RNFT2: variants seen among roughly 807,000 people sequenced by gnomAD.
RNFT2 encodes the protein E3 ubiquitin-protein ligase RNFT2.
In RNFT2, 36 loss-of-function variants were observed where a neutral mutation model predicts 53.0. The ratio of observed to expected loss-of-function variants is 0.68; its 90% confidence interval spans 0.52 to 0.90. The LOEUF (loss-of-function observed/expected upper bound fraction) is 0.90, where lower values mean the gene tolerates loss of function less well. Among genes scored for constraint, RNFT2 ranks in the 40% least tolerant of loss-of-function variants. RNFT2 has a pLI of 0.00. For missense variants in RNFT2, 514 were observed against 585.6 expected (o/e 0.88, Z 1.26); for synonymous variants, 260 against 253.2 (o/e 1.03, Z -0.26).
intron 7 of RNFT2, among the ~76,000 whole-genome samples, chr12:116,828,144 T>G (rs1876441254): frequency 6.6e-6 from 1 of 152,172 alleles, no homozygotes; most frequent in African/African-American, 2.4e-5. Context: ...GTGACCATCT[T>G]TTCCTTCACC....
intron 7 of RNFT2, among the ~76,000 whole-genome samples, chr12:116,786,538 C>T (rs1218969622): frequency 6.8e-6 from 1 of 146,626 alleles, no homozygotes; most frequent in Non-Finnish European, 1.5e-5. Flanking sequence ...ATAAGGAAGG[C>T]ATTTGAGGTT....
chr12:116,844,687 C>T (rs1368472768), intron 10 of RNFT2, among the ~76,000 whole-genome samples: 1 of 152,148 alleles, frequency 6.6e-6, no homozygotes, highest in Admixed American at 6.5e-5. Flanking sequence ...ACCAGAATAT[C>T]TGAGAACTAT....
chr12:116,851,885 C>A lies in RNFT2; in HGVS notation c.*2437C>A. 1 of 1,536,144 alleles carries A rather than the reference C, an allele frequency of 6.5e-7. No individual in the cohort carries two copies. The highest frequency in any genetic ancestry group is 8.7e-7 in the Non-Finnish European group (1 of 1,146,580). On this transcript the variant is annotated 3_prime_UTR_variant, in exon 11 of 11. Transcript: ENST00000257575. ...TCTCCTCTTCCTATTCTGTCATCTC[C>A]CTCACTTAAGTCTCAGGCCTGTCAG... is the stretch of plus-strand genomic sequence containing the variant.
At chr12:116,848,334 C>T (rs1419423398) in intron 10 of RNFT2, among the ~76,000 whole-genome samples, 1 of 152,102 alleles carries the variant, frequency 6.6e-6, no homozygotes, top group Non-Finnish European at 1.5e-5. Flanking sequence ...TTTATCGTAG[C>T]ACTAGTTACC....
intron 7 of RNFT2, among the ~76,000 whole-genome samples, chr12:116,781,694 G>A (rs780029134): frequency 2.0e-5 from 3 of 151,962 alleles, no homozygotes; most frequent in African/African-American, 4.8e-5. Context: ...GGCCCCACCC[G>A]AATAATCTAG....
chr12:116,806,240 C>T (rs1271059583), intron 7 of RNFT2, among the ~76,000 whole-genome samples: 2 of 151,692 alleles, frequency 1.3e-5, no homozygotes, highest in Non-Finnish European at 2.9e-5. Context: ...CATGGTGGTG[C>T]ATGCCTGTAA....
Position 116,849,319 on chromosome 12 carries a change from G to A in RNFT2, c.1206G>A (p.Val402=), listed in dbSNP as rs1347357812. The change falls in exon 11 of 11, where the codon GTG becomes GTA. Residue 402 remains valine, a synonymous_variant. Coordinates refer to ENST00000257575, the MANE Select transcript of RNFT2 (RefSeq NM_001382266.1). ...GCTGATTGCTGTCCCCGCAGCACGT[G>A]TTCTGTGAGGAGTGCCTCTGCCTGT... ...REPLILLCQH[V]FCEECLCLWL... is the part of the protein sequence containing the mutation. The A allele has an allele frequency of 1.3e-6, 2 of 1,539,434 alleles. No homozygotes were observed. Among genetic ancestry groups the A allele is most frequent in the Middle Eastern group, 1.7e-4 (1 of 5,984 alleles).
chr12:116,831,229 A>G (rs981097046), intron 7 of RNFT2, among the ~76,000 whole-genome samples: 8 of 151,624 alleles, frequency 5.3e-5, no homozygotes, highest in Non-Finnish European at 1.0e-4. Flanking sequence ...GAGAGATAAT[A>G]TCCTTCAACT....
Position 116,847,865 on chromosome 12 carries a change from C to G in RNFT2, c.1201-1449C>G, listed in dbSNP as rs527301517. ...AAAAAATTTAATTTAATTTTAAGTT[C>G]CAGGATGCATGTGCAGGATATACAG... On this transcript the variant is annotated intron_variant, in intron 10 of 10. Coordinates refer to ENST00000257575, the MANE Select transcript of RNFT2 (RefSeq NM_001382266.1). Among the ~76,000 whole-genome samples, 3 of 152,218 alleles carry G rather than the reference C, an allele frequency of 2.0e-5. No homozygotes were observed. In the South Asian group the frequency reaches 6.2e-4, roughly 32 times the overall value.
rs771366276 is a variant in RNFT2, at chr12:116,750,123, C to CG, written c.371dup (p.Ser125LeufsTer58). ...ACCATTTCCACCATGGCGGCCACCG[C>CG]GGGGGCTCCCTGCTGCAGCACGTGG... On this transcript the variant is annotated frameshift_variant, in exon 4 of 11. Transcript: ENST00000257575. LOFTEE classifies it high-confidence loss of function. 6.4e-7 allele frequency: 1 copy of CG among 1,571,754 alleles called. No individual in the cohort carries two copies. The highest frequency in any genetic ancestry group is 2.3e-5 in the East Asian group (1 of 43,340).
chr12:116,788,018 C>T (rs1267117689), intron 7 of RNFT2, among the ~76,000 whole-genome samples: 2 of 152,190 alleles, frequency 1.3e-5, no homozygotes, highest in African/African-American at 2.4e-5. Context: ...ACCTCTGCCT[C>T]CCGGGTTCAA....
At chr12:116,798,659 C>G (rs1016936013) in intron 7 of RNFT2, among the ~76,000 whole-genome samples, 32 of 152,170 alleles carry the variant, frequency 2.1e-4, no homozygotes, top group Admixed American at 7.9e-4. Context: ...ACCTCAGCCT[C>G]CCAGGCTGAA....
chr12:116,811,393 T>G (rs1875366283), intron 7 of RNFT2, among the ~76,000 whole-genome samples: 1 of 151,884 alleles, frequency 6.6e-6, no homozygotes, highest in African/African-American at 2.4e-5. Context: ...TTCCTTTTTT[T>G]GAGACAGAGT....
intron 7 of RNFT2, among the ~76,000 whole-genome samples, chr12:116,832,148 A>AATATATATATATATATATATATATAT (rs1555209703): frequency 3.6e-5 from 2 of 55,174 alleles, no homozygotes; most frequent in Non-Finnish European, 3.3e-5. Context: ...AAAAAAAAAA[A>AATATATATATATATATATATATATAT]ATATATATAT....
intron 4 of RNFT2, among the ~76,000 whole-genome samples, chr12:116,751,386 G>C (rs946816882): frequency 6.6e-6 from 1 of 151,814 alleles, no homozygotes; most frequent in African/African-American, 2.4e-5. Flanking sequence ...GTCAATAATT[G>C]GCCTCTAGTA....
rs117918140 is a variant in RNFT2, at chr12:116,827,335, G to A, written c.883-6457G>A. On this transcript the variant is annotated intron_variant, in intron 7 of 10. Transcript: ENST00000257575. Reference sequence around the variant, plus strand: ...AAGTCAGGGAAGGCTTTTCATAGGCGGTGACAGTTAGCTGAGACCCAAAAG... The same window carrying A: ...AAGTCAGGGAAGGCTTTTCATAGGCAGTGACAGTTAGCTGAGACCCAAAAG... Among the ~76,000 whole-genome samples, 1,470 of 152,250 alleles carry A rather than the reference G, an allele frequency of 9.7e-3. 11 individuals are homozygous for A. The highest frequency in any genetic ancestry group is 0.015 in the Non-Finnish European group (995 of 68,020).
intron 7 of RNFT2, among the ~76,000 whole-genome samples, chr12:116,788,190 G>A (rs1216082629): frequency 6.6e-6 from 1 of 152,218 alleles, no homozygotes; most frequent in African/African-American, 2.4e-5. Flanking sequence ...GCCTCCCAAA[G>A]TGCTGGGATT....
Position 116,777,715 on chromosome 12 carries a change from C to T in RNFT2, c.729-1480C>T, listed in dbSNP as rs186763097. 2.6e-5 allele frequency among the ~76,000 whole-genome samples: 4 copies of T among 152,300 alleles called. No individual in the cohort carries two copies. The East Asian group carries it at 7.7e-4, about 29-fold the overall frequency. On this transcript the variant is annotated intron_variant, in intron 6 of 10. Transcript: ENST00000257575. ...ACTGCTGCACCGCAGGGTCTGTAAT[C>T]TGTCCATTATCTCATCAAATCCTGC...
chr12:116,794,124 G>A (rs1395281548), intron 7 of RNFT2, among the ~76,000 whole-genome samples: 1 of 152,040 alleles, frequency 6.6e-6, no homozygotes, highest in Non-Finnish European at 1.5e-5. Flanking sequence ...ACGTATCCAA[G>A]CATAGTGTCA....
Sources: gnomAD v4.1 joint callset for allele counts (sites outside exome capture counted in the v4.1 genomes callset) on GRCh38, gnomAD v4.1.1 for gene constraint, MANE v1.5 for transcripts, NCBI Gene and HGNC (gene_info 2026-07-23, HGNC 2026-07-21) for gene names.